Variants in NUDC observed in about 807,000 individuals in gnomAD.
NUDC encodes the protein nuclear migration protein nudC.
A neutral mutation model predicts 45.0 loss-of-function variants in NUDC; 14 were observed. That is an observed-to-expected ratio of 0.31 (90% CI 0.21 to 0.49). The LOEUF is 0.49. Among genes scored for constraint, NUDC ranks in the 20% least tolerant of loss-of-function variants. The pLI, the probability that NUDC is intolerant of heterozygous loss-of-function variation, is 0.99. For synonymous variants in NUDC, 153 were observed against 156.7 expected, an observed-to-expected ratio of 0.98 and a Z score of 0.17; for missense variants, 323 against 426.2, an observed-to-expected ratio of 0.76 and a Z score of 2.13.
chr1:26,936,132 C>CT (rs2082227912), intron 2 of NUDC, among the ~76,000 whole-genome samples: 2 of 34,694 alleles, frequency 5.8e-5, no homozygotes, highest in Non-Finnish European at 1.0e-4. Context: ...CCACGCCCGG[C>CT]TAATATATAT....
chr1:26,911,922 C>T (rs956480226), intron 3 of NUDC: 1 of 1,614,192 alleles, frequency 6.2e-7, no homozygotes, highest in Non-Finnish European at 8.5e-7. Flanking sequence ...AAGAGGTCCC[C>T]AAGCAGGCTG....
At chr1:26,908,156 G>A (rs2082010341) in intron 2 of NUDC, among the ~76,000 whole-genome samples, 2 of 152,000 alleles carry the variant, frequency 1.3e-5, no homozygotes. Context: ...TCCAGCCTGG[G>A]CAGCAAGAGT....
intron 1 of NUDC, among the ~76,000 whole-genome samples, chr1:26,923,397 C>G (rs2082106541): frequency 6.6e-6 from 1 of 152,172 alleles, no homozygotes; most frequent in African/African-American, 2.4e-5. Flanking sequence ...GTACTCCAGC[C>G]AGAATTAATC....
At chr1:26,921,723 T>G, upstream of NUDC, 1 of 1,038,980 alleles carries the variant, frequency 9.6e-7, no homozygotes, top group Non-Finnish European at 1.4e-6. Context: ...GCCGCGCGCG[T>G]GCGTGTTTCC....
intron 1 of NUDC, among the ~76,000 whole-genome samples, 191 bp from the exon 2 acceptor site, chr1:26,923,898 A>G (rs1341402725): frequency 6.6e-6 from 1 of 152,158 alleles, no homozygotes; most frequent in Admixed American, 6.5e-5. Flanking sequence ...CACACACAGG[A>G]TATGAGAAAT....
intron 6 of NUDC, among the ~76,000 whole-genome samples, chr1:26,944,348 G>A (rs927179687): frequency 6.6e-6 from 1 of 151,994 alleles, no homozygotes; most frequent in African/African-American, 2.4e-5. Flanking sequence ...AACTGCGAGC[G>A]CCACCCTACC....
chr1:26,921,618 A>G, upstream of NUDC: 1 of 588,448 alleles, frequency 1.7e-6, no homozygotes, highest in South Asian at 2.0e-5. Flanking sequence ...CCGAATGTCG[A>G]CCAATGGTCG....
chr1:26,914,857 C>G (rs1463812254), intron 3 of NUDC, among the ~76,000 whole-genome samples: 1 of 151,920 alleles, frequency 6.6e-6, no homozygotes, highest in Non-Finnish European at 1.5e-5. Context: ...GTCCCAGCTA[C>G]TCTAGAGGCT....
intron 2 of NUDC, among the ~76,000 whole-genome samples, chr1:26,905,154 A>T (rs554103760): frequency 0.023 from 2,367 of 101,398 alleles, 62 homozygotes; most frequent in East Asian, 0.075. Flanking sequence ...TATTATTATT[A>T]TTATTTTTTT....
rs1015315064 is a variant in NUDC, at chr1:26,945,476, G to A, written c.825+3G>A. 3 of 1,613,898 alleles carry A rather than the reference G, an allele frequency of 1.9e-6. No individual in the cohort carries two copies. In the African/African-American group the frequency reaches 4.0e-5, roughly 22 times the overall value. The stretch of plus-strand genomic sequence containing the variant: ...AGATTAACCCTGAGAATTCCAAGGT[G>A]AGCCCTGGCTGGTTGGGGGAGCTTC... On this transcript the variant is annotated splice_donor_region_variant and intron_variant, in intron 7 of 8. Transcript: ENST00000321265.
chr1:26,909,144 T>G (rs2082014657), intron 2 of NUDC, among the ~76,000 whole-genome samples: 1 of 151,882 alleles, frequency 6.6e-6, no homozygotes, highest in Non-Finnish European at 1.5e-5. Context: ...CTGGCTAATT[T>G]TTGTATTTTT....
chr1:26,934,353 A>G, intron 2 of NUDC, among the ~76,000 whole-genome samples: 1 of 152,140 alleles, frequency 6.6e-6, no homozygotes, highest in South Asian at 2.1e-4. Flanking sequence ...GCATGGGGGA[A>G]ACCATCCTGG....
upstream of NUDC, among the ~76,000 whole-genome samples, chr1:26,918,872 A>G (rs34409791): frequency 0.16 from 23,675 of 151,846 alleles, 1,993 homozygotes; most frequent in African/African-American, 0.21. Flanking sequence ...CACTGCACCC[A>G]GCCTAAGTGA....
At chr1:26,940,370 G>A (rs1310444399) in intron 2 of NUDC, among the ~76,000 whole-genome samples, 1 of 151,958 alleles carries the variant, frequency 6.6e-6, no homozygotes, top group Non-Finnish European at 1.5e-5. Flanking sequence ...CAGCTACTCG[G>A]GAGGCTAAGG....
At chr1:26,927,553 A>G (rs1292025708) in intron 2 of NUDC, among the ~76,000 whole-genome samples, 1 of 151,590 alleles carries the variant, frequency 6.6e-6, no homozygotes, top group Non-Finnish European at 1.5e-5. Context: ...GCCCGCCCCT[A>G]TGCCTGGCTA....
At chr1:26,912,804 G>A (rs1030711901) in intron 3 of NUDC, among the ~76,000 whole-genome samples, 1 of 152,100 alleles carries the variant, frequency 6.6e-6, no homozygotes, top group African/African-American at 2.4e-5. Context: ...AGCTGTGTCT[G>A]CCCACCCCAC....
rs142513911 is a variant in NUDC, at chr1:26,930,332, G to A, written c.159+6166G>A. 2.3e-3 allele frequency among the ~76,000 whole-genome samples: 347 copies of A among 152,264 alleles called. 3 individuals carry two copies. The highest frequency in any genetic ancestry group is 8.1e-3 in the African/African-American group (335 of 41,566). On this transcript the variant is annotated intron_variant, in intron 2 of 8. Transcript: ENST00000321265. Reference sequence around the variant, plus strand: ...GTATAGGCGTGCCCCACCACACCCAGCTAATTTTTGTATTTTTTGTAGAGT... The same window carrying A: ...GTATAGGCGTGCCCCACCACACCCAACTAATTTTTGTATTTTTTGTAGAGT...
At chr1:26,940,082 G>A (rs2082264623) in intron 2 of NUDC, among the ~76,000 whole-genome samples, 1 of 152,186 alleles carries the variant, frequency 6.6e-6, no homozygotes, top group African/African-American at 2.4e-5. Flanking sequence ...GGAGAAAAAG[G>A]ATTTGAAGTT....
At chr1:26,944,481 A>C (rs1187947) in intron 6 of NUDC, among the ~76,000 whole-genome samples, 28,497 of 152,016 alleles carry the variant, frequency 0.19, 3,482 homozygotes, top group Middle Eastern at 0.31. Flanking sequence ...TACAGGTAGG[A>C]GCCACTGCAC....
Sources: gnomAD v4.1 joint callset for allele counts (sites outside exome capture counted in the v4.1 genomes callset) on GRCh38, gnomAD v4.1.1 for gene constraint, MANE v1.5 for transcripts, NCBI Gene and HGNC (gene_info 2026-07-23, HGNC 2026-07-21) for gene names.